The following MGMT variants were observed in gnomAD, a reference collection of about 807,000 sequenced individuals.
MGMT encodes O-6-methylguanine-DNA methyltransferase.
Under a neutral mutation model 15.9 loss-of-function variants are expected in MGMT, and 14 were observed. That is an observed-to-expected ratio of 0.88 (90% CI 0.58 to 1.37). The LOEUF (loss-of-function observed/expected upper bound fraction) is 1.37, where lower values mean the gene tolerates loss of function less well. MGMT is among the 40% of genes most tolerant of loss of function. The probability of loss-of-function intolerance (pLI) is 0.00; values close to 1 mark genes in which losing one functional copy is unlikely to be tolerated. For synonymous variants in MGMT, 130 were observed against 118.2 expected (o/e 1.10, Z -0.65); for missense variants, 282 against 268.1 (o/e 1.05, Z -0.36).
rs61874299 is a variant in MGMT at position 129,642,115 on chromosome 10, C to G, written c.126-65780C>G. 7.0e-3 allele frequency among the ~76,000 whole-genome samples: 1,067 copies of G among 152,270 alleles called. 4 individuals carry two copies. The highest frequency in any genetic ancestry group is 0.01 in the Non-Finnish European group (712 of 68,024). On this transcript the variant is annotated intron_variant, in intron 2 of 4. Coordinates refer to ENST00000651593, the MANE Select transcript of MGMT (RefSeq NM_002412.5). The stretch of plus-strand genomic sequence containing the variant: ...CTTGCTCACAGTGAGACCCGACATC[C>G]CCTCCGCTCAGTGGGCATTTCCTAC...
intron 2 of MGMT, among the ~76,000 whole-genome samples, chr10:129,704,522 G>A (rs573429831): frequency 5.1e-4 from 78 of 152,248 alleles, no homozygotes; most frequent in African/African-American, 1.8e-3. Context: ...ACCGGGGCAT[G>A]TTCTGTCTGG....
chr10:129,683,280 T>C (rs1847872845), intron 2 of MGMT, among the ~76,000 whole-genome samples: 1 of 152,198 alleles, frequency 6.6e-6, no homozygotes. Context: ...ATTCTTGTAA[T>C]GAAAGTGAGC....
intron 2 of MGMT, among the ~76,000 whole-genome samples, chr10:129,550,314 G>A (rs1485991198): frequency 4.6e-5 from 7 of 151,032 alleles, no homozygotes; most frequent in Non-Finnish European, 1.0e-4. Flanking sequence ...GTGTTCCGCA[G>A]CCACCACCGC....
chr10:129,539,163 T>C (rs1309321679), intron 2 of MGMT, among the ~76,000 whole-genome samples: 2 of 152,216 alleles, frequency 1.3e-5, no homozygotes, highest in Admixed American at 1.3e-4. Flanking sequence ...ACACTTTTTG[T>C]GTTCCCTGTA....
intron 2 of MGMT, among the ~76,000 whole-genome samples, chr10:129,624,762 G>A (rs1213881340): frequency 6.6e-6 from 1 of 152,196 alleles, no homozygotes; most frequent in Admixed American, 6.5e-5. Flanking sequence ...AATCAGAGAT[G>A]GTCTCACTGT....
At chr10:129,555,720 A>G (rs1007072621) in intron 2 of MGMT, among the ~76,000 whole-genome samples, 3 of 152,256 alleles carry the variant, frequency 2.0e-5, no homozygotes, top group Middle Eastern at 3.4e-3. Flanking sequence ...GTCTCTAAAA[A>G]AAAAATAAAA....
At chr10:129,583,360 T>C (rs1342241173) in intron 2 of MGMT, among the ~76,000 whole-genome samples, 1 of 152,254 alleles carries the variant, frequency 6.6e-6, no homozygotes, top group South Asian at 2.1e-4. Flanking sequence ...CTTGGGGTTC[T>C]GTGGAAATTT....
At chr10:129,758,199 G>A (rs780251245) in intron 3 of MGMT, among the ~76,000 whole-genome samples, 3 of 152,194 alleles carry the variant, frequency 2.0e-5, no homozygotes, top group Non-Finnish European at 4.4e-5. Flanking sequence ...ATGTAAGGGT[G>A]TGTTTCCTTT....
intron 2 of MGMT, among the ~76,000 whole-genome samples, chr10:129,587,479 A>G (rs1406627287): frequency 3.3e-5 from 5 of 149,330 alleles, no homozygotes; most frequent in Non-Finnish European, 7.4e-5. Flanking sequence ...TGTCATTTTT[A>G]TATCTTAATT....
intron 2 of MGMT, among the ~76,000 whole-genome samples, chr10:129,546,702 G>A (rs531775520): frequency 1.3e-5 from 2 of 152,216 alleles, no homozygotes; most frequent in South Asian, 4.2e-4. Flanking sequence ...CCGGAGAGGA[G>A]CATCTCTCCT....
At chr10:129,694,615 C>G (rs1340319782) in intron 2 of MGMT, among the ~76,000 whole-genome samples, 3 of 152,304 alleles carry the variant, frequency 2.0e-5, no homozygotes, top group South Asian at 2.1e-4. Context: ...CTCCAGCCCC[C>G]CTGTTTGTTC....
chr10:129,716,075 G>C lies in MGMT; in HGVS notation c.274+8032G>C, dbSNP rs1848292537. 2.0e-5 allele frequency among the ~76,000 whole-genome samples: 3 copies of C among 152,338 alleles called. No homozygotes were observed. The South Asian group carries it at 6.2e-4, about 32-fold the overall frequency. On this transcript the variant is annotated intron_variant, in intron 3 of 4. Transcript: ENST00000651593. ...TGGAGGCTCAGCCGGAACGTCTCCA[G>C]CTCTGTAGCACGTTTTAATTCCATA...
At chr10:129,755,967 G>C (rs1267067957) in intron 3 of MGMT, among the ~76,000 whole-genome samples, 1 of 152,190 alleles carries the variant, frequency 6.6e-6, no homozygotes, top group African/African-American at 2.4e-5. Context: ...TCCAGGTTCA[G>C]GTGTCAGGCC....
intron 2 of MGMT, among the ~76,000 whole-genome samples, chr10:129,660,720 CAA>C (rs1847586399): frequency 6.6e-6 from 1 of 152,018 alleles, no homozygotes; most frequent in African/African-American, 2.4e-5. Context: ...CAGAAATATG[CAA>C]AGACTTCAAG....
intron 2 of MGMT, among the ~76,000 whole-genome samples, chr10:129,579,672 C>T (rs1304583337): frequency 4.6e-5 from 7 of 152,232 alleles, no homozygotes; most frequent in Non-Finnish European, 8.8e-5. Flanking sequence ...TGAGTTTCTT[C>T]TTCTGGAGCC....
At chr10:129,763,755 T>C (rs1848901834) in intron 4 of MGMT, among the ~76,000 whole-genome samples, 1 of 152,248 alleles carries the variant, frequency 6.6e-6, no homozygotes, top group African/African-American at 2.4e-5. Context: ...TTAATGGGAC[T>C]GTTGTATTTG....
chr10:129,504,930 G>GT (rs35900600), intron 1 of MGMT, among the ~76,000 whole-genome samples: 7 of 151,502 alleles, frequency 4.6e-5, no homozygotes, highest in South Asian at 4.2e-4. Context: ...ATGTGGTAGG[G>GT]TTTTTTTTTC....
At chr10:129,599,557 G>A (rs551491) in intron 2 of MGMT, among the ~76,000 whole-genome samples, 65,099 of 151,990 alleles carry the variant, frequency 0.43, 15,089 homozygotes, top group East Asian at 0.64. Flanking sequence ...ATTCTAAGAT[G>A]TGGCTATACA....
At chr10:129,512,559 G>A (rs1845695625) in intron 1 of MGMT, among the ~76,000 whole-genome samples, 1 of 152,066 alleles carries the variant, frequency 6.6e-6, no homozygotes, top group African/African-American at 2.4e-5. Context: ...TCATTTGCAG[G>A]GCTCTTGTAA....
Sources: allele counts gnomAD v4.1 joint callset (sites outside exome capture counted in the v4.1 genomes callset), GRCh38; gene constraint gnomAD v4.1.1; transcripts MANE v1.5; gene names NCBI Gene and HGNC (gene_info 2026-07-23, HGNC 2026-07-21).